Variants in IQGAP2 observed in about 807,000 individuals in gnomAD.
IQGAP2 encodes ras GTPase-activating-like protein IQGAP2.
IQGAP2 carries 173 observed loss-of-function variants against 201.3 expected under a neutral mutation model. The observed-to-expected ratio is 0.86, with a 90% CI of 0.76 to 0.98. The LOEUF (loss-of-function observed/expected upper bound fraction) is 0.98, where lower values mean the gene tolerates loss of function less well. IQGAP2 is among the 50% of genes least tolerant of loss of function. The pLI is 0.00. For missense variants in IQGAP2, 1,687 were observed against 1,864.8 expected, an observed-to-expected ratio of 0.90 and a Z score of 1.76; for synonymous variants, 675 against 673.9, an observed-to-expected ratio of 1.00 and a Z score of -0.03.
chr5:76,483,078 T>C (rs938250610), intron 2 of IQGAP2, among the ~76,000 whole-genome samples: 4 of 152,210 alleles, frequency 2.6e-5, no homozygotes, highest in African/African-American at 9.7e-5. Flanking sequence ...ATGAAAAACA[T>C]TTTCAGTAGT....
intron 2 of IQGAP2, among the ~76,000 whole-genome samples, chr5:76,475,111 A>C (rs1580272087): frequency 6.6e-6 from 1 of 151,824 alleles, no homozygotes; most frequent in South Asian, 2.1e-4. Context: ...CAGCCTTCCC[A>C]CCCCAGCTTA....
chr5:76,653,748 A>G (rs1752693261), intron 18 of IQGAP2, among the ~76,000 whole-genome samples: 1 of 152,196 alleles, frequency 6.6e-6, no homozygotes, highest in Non-Finnish European at 1.5e-5. Flanking sequence ...ATTGGTAGCA[A>G]TTGGTCCCTC....
chr5:76,617,363 G>A (rs567479800), intron 13 of IQGAP2: 4 of 447,846 alleles, frequency 8.9e-6, no homozygotes, highest in Admixed American at 7.5e-5. Flanking sequence ...GGCAGAGGTT[G>A]CAATGAGCCA....
chr5:76,478,853 A>T (rs182994114), intron 2 of IQGAP2, among the ~76,000 whole-genome samples: 3 of 152,284 alleles, frequency 2.0e-5, no homozygotes, highest in Non-Finnish European at 1.5e-5. Flanking sequence ...GTGATACATG[A>T]CCGCACTAGG....
chr5:76,617,403 G>A, intron 13 of IQGAP2: 2 of 579,528 alleles, frequency 3.5e-6, no homozygotes, highest in South Asian at 2.3e-5. Context: ...CAGTCTGGGT[G>A]ATAAAGTGAG....
intron 30 of IQGAP2, 121 bp downstream of exon 30, chr5:76,684,038 T>A: frequency 2.5e-6 from 2 of 808,712 alleles, no homozygotes; most frequent in Non-Finnish European, 3.6e-6. Context: ...ATCTATTATG[T>A]ATATCCATCA....
chr5:76,637,322 TG>T (rs1404126238), intron 16 of IQGAP2, 146 bp downstream of exon 16: 1 of 608,908 alleles, frequency 1.6e-6, no homozygotes, highest in Non-Finnish European at 2.6e-6. Context: ...GAACTGCAGT[TG>T]AATGTGGCTG....
intron 1 of IQGAP2, among the ~76,000 whole-genome samples, chr5:76,427,108 G>A (rs1225765122): frequency 2.0e-5 from 3 of 152,046 alleles, no homozygotes; most frequent in Non-Finnish European, 4.4e-5. Flanking sequence ...TTGGTTGTGG[G>A]GTGCTGACTT....
chr5:76,414,212 G>T (rs1331593798), intron 1 of IQGAP2, among the ~76,000 whole-genome samples: 1 of 152,176 alleles, frequency 6.6e-6, no homozygotes, highest in Non-Finnish European at 1.5e-5. Flanking sequence ...TGGTCCTTGA[G>T]ATTGTCACTT....
At chr5:76,587,324 A>G (rs1488413345) in intron 5 of IQGAP2, among the ~76,000 whole-genome samples, 1 of 152,080 alleles carries the variant, frequency 6.6e-6, no homozygotes, top group Non-Finnish European at 1.5e-5. Flanking sequence ...TTTTGTTTTC[A>G]TGGCTTTATT....
chr5:76,446,122 C>G (rs1488581963), intron 1 of IQGAP2, among the ~76,000 whole-genome samples: 1 of 152,156 alleles, frequency 6.6e-6, no homozygotes, highest in African/African-American at 2.4e-5. Flanking sequence ...TTCCTTTTGG[C>G]TATTGTGAAT....
intron 1 of IQGAP2, among the ~76,000 whole-genome samples, chr5:76,454,646 T>C (rs1753964786): frequency 6.6e-6 from 1 of 151,476 alleles, no homozygotes; most frequent in Admixed American, 6.6e-5. Flanking sequence ...GGCTGCATAG[T>C]ATTCCATGGT....
At chr5:76,671,480 TC>T in intron 23 of IQGAP2, among the ~76,000 whole-genome samples, 1 of 151,978 alleles carries the variant, frequency 6.6e-6, no homozygotes, top group African/African-American at 2.4e-5. Context: ...GATCAGGAGT[TC>T]GAGACCAGCC....
chr5:76,641,816 T>A (rs551673958), intron 17 of IQGAP2, among the ~76,000 whole-genome samples: 1 of 152,252 alleles, frequency 6.6e-6, no homozygotes, highest in East Asian at 1.9e-4. Flanking sequence ...TGCTGATGGG[T>A]TTTTACTTTG....
chr5:76,429,526 C>T (rs1025307390), intron 1 of IQGAP2, among the ~76,000 whole-genome samples: 5 of 148,342 alleles, frequency 3.4e-5, no homozygotes, highest in East Asian at 2.0e-4. Flanking sequence ...GAGCCAAGAT[C>T]GCACCATTGC....
chr5:76,496,725 T>TCTC (rs1554061562), intron 2 of IQGAP2, among the ~76,000 whole-genome samples: 2 of 93,588 alleles, frequency 2.1e-5, no homozygotes, highest in African/African-American at 5.7e-5. Context: ...TCTTTCTTTC[T>TCTC]TTTCTTTCTT....
At chr5:76,516,791 G>A (rs1275245210) in intron 2 of IQGAP2, among the ~76,000 whole-genome samples, 1 of 152,194 alleles carries the variant, frequency 6.6e-6, no homozygotes, top group Non-Finnish European at 1.5e-5. Context: ...CAAGTTATGT[G>A]CTTCACAGAG....
chr5:76,641,801 T>C (rs796112087), intron 17 of IQGAP2, among the ~76,000 whole-genome samples: 15 of 152,312 alleles, frequency 9.8e-5, no homozygotes, highest in African/African-American at 3.6e-4. Flanking sequence ...ACTGGTAAAG[T>C]CTGATGCTGA....
Position 76,696,583 on chromosome 5 carries a change from G to GA in IQGAP2, c.4206+929dup, listed in dbSNP as rs113011640. ...GAGGTTAAAGGCAGTTAAATGACCA[G>GA]AAAAAAAAAAAATTTCTCACCTTCT... On this transcript the variant is annotated intron_variant, in intron 32 of 35. Transcript: ENST00000274364. Among the ~76,000 whole-genome samples, 587 of 148,404 alleles carry GA rather than the reference G, an allele frequency of 4.0e-3. 9 individuals are homozygous for GA. In the Middle Eastern group the frequency reaches 0.046, roughly 12 times the overall value.
Sources: allele counts gnomAD v4.1 joint callset (sites outside exome capture counted in the v4.1 genomes callset), GRCh38; gene constraint gnomAD v4.1.1; transcripts MANE v1.5; gene names NCBI Gene and HGNC (gene_info 2026-07-23, HGNC 2026-07-21).